The following ARID4B variants were observed in gnomAD, a reference collection of about 807,000 sequenced individuals.
ARID4B encodes the protein AT-rich interaction domain 4B.
In ARID4B, 26 loss-of-function variants were observed where a neutral mutation model predicts 147.5. The observed-to-expected ratio is 0.18, with a 90% confidence interval of 0.13 to 0.24. The LOEUF is 0.24. Among genes scored for constraint, ARID4B ranks in the 10% least tolerant of loss-of-function variants. The pLI is 1.00. For synonymous variants in ARID4B, 512 were observed against 507.9 expected, an observed-to-expected ratio of 1.01 and a Z score of -0.11; for missense variants, 1,179 against 1,511.5, an observed-to-expected ratio of 0.78 and a Z score of 3.65.
In ARID4B at chr1:235,311,356, C is replaced by CAATAATAAT. The variant is rs57278836; in HGVS notation, c.6+15549_6+15557dup. 6.8e-3 allele frequency among the ~76,000 whole-genome samples: 934 copies of CAATAATAAT among 136,714 alleles called. 6 individuals carry two copies. The highest frequency in any genetic ancestry group is 0.015 in the Middle Eastern group (4 of 268). The allele number at this position is 136,714 out of a possible 152,430, so 89.7% of individuals were successfully genotyped here. On this transcript the variant is annotated intron_variant, in intron 2 of 23. Coordinates refer to ENST00000264183, the MANE Select transcript of ARID4B (RefSeq NM_016374.6). ...GACAGAGCAAGACCCTGTCTCAAAACAATAATAATAATAATAATAATAATA... is the reference window on the plus strand; with the variant it reads ...GACAGAGCAAGACCCTGTCTCAAAACAATAATAATAATAATAATAATAATAATAATAATA...
chr1:235,311,834 C>G (rs1406669455), intron 2 of ARID4B, among the ~76,000 whole-genome samples: 1 of 152,114 alleles, frequency 6.6e-6, no homozygotes, highest in Non-Finnish European at 1.5e-5. Context: ...GAATACTAAG[C>G]ACTGCTACAT....
intron 7 of ARID4B, among the ~76,000 whole-genome samples, chr1:235,245,603 T>C (rs941564273): frequency 2.6e-5 from 4 of 152,138 alleles, no homozygotes; most frequent in East Asian, 1.9e-4. Context: ...CCAGTCCTAA[T>C]TGTCAGACAT....
intron 4 of ARID4B, among the ~76,000 whole-genome samples, chr1:235,256,624 A>G (rs549262135): frequency 6.6e-6 from 1 of 152,220 alleles, no homozygotes; most frequent in Non-Finnish European, 1.5e-5. Context: ...GATGACCCTT[A>G]AAAGATTTCA....
chr1:235,239,990 A>G (rs1668881910), intron 8 of ARID4B, among the ~76,000 whole-genome samples: 1 of 152,152 alleles, frequency 6.6e-6, no homozygotes, highest in Non-Finnish European at 1.5e-5. Flanking sequence ...GTCAACCAAG[A>G]AAGATTCTGT....
At chr1:235,185,774 T>C (rs1293646441) in intron 19 of ARID4B, among the ~76,000 whole-genome samples, 1 of 152,240 alleles carries the variant, frequency 6.6e-6, no homozygotes, top group African/African-American at 2.4e-5. Context: ...CCGAATGTAT[T>C]GCTTCTTTGC....
intron 22 of ARID4B, among the ~76,000 whole-genome samples, chr1:235,173,762 AAAAAAAAAAATATATATAT>A (rs1663577623): frequency 1.9e-5 from 1 of 53,344 alleles, no homozygotes; most frequent in African/African-American, 1.1e-4. Flanking sequence ...AAAAAAAAAA[AAAAAAAAAAATATATATAT>A]ATATATATAT....
intron 2 of ARID4B, among the ~76,000 whole-genome samples, chr1:235,284,354 C>T (rs1032458862): frequency 5.3e-5 from 8 of 152,124 alleles, no homozygotes; most frequent in East Asian, 1.9e-4. Context: ...AGCGAGACTC[C>T]GTCTCTGGGG....
At chr1:235,308,664 A>G (rs1673767194) in intron 2 of ARID4B, among the ~76,000 whole-genome samples, 1 of 151,896 alleles carries the variant, frequency 6.6e-6, no homozygotes, top group African/African-American at 2.4e-5. Context: ...TTTGGTGGAG[A>G]CGGGGCTTCG....
Position 235,177,780 on chromosome 1 carries a change from A to G in ARID4B, c.3448+20T>C. 6.6e-7 allele frequency: 1 copy of G among 1,511,106 alleles called. No homozygotes were observed. The highest frequency in any genetic ancestry group is 9.1e-7 in the Non-Finnish European group (1 of 1,098,706). 93.6% of individuals were successfully genotyped at this position (1,511,106 alleles called of 1,614,324 possible). A position where few individuals can be genotyped will look rare whatever the true frequency, so the allele number is the denominator to read the frequency against. ...CAGCTATTATTTTTATATTTTAAAAATTAGAGATTTCACACTTACTGCCTT... is the reference window on the plus strand; with the variant it reads ...CAGCTATTATTTTTATATTTTAAAAGTTAGAGATTTCACACTTACTGCCTT... On this transcript the variant is annotated intron_variant, in intron 21 of 23. Coordinates refer to ENST00000264183, the MANE Select transcript of ARID4B (RefSeq NM_016374.6).
Position 235,200,835 on chromosome 1 carries a change from T to C in ARID4B, c.1842-4720A>G, listed in dbSNP as rs540478892. ...GGAAATTTTAGCTCAAGTTCACATA[T>C]CTTGAATTTCATAAAAAATTAAAAT... On this transcript the variant is annotated intron_variant, in intron 17 of 23. Coordinates refer to ENST00000264183, the MANE Select transcript of ARID4B (RefSeq NM_016374.6). Among the ~76,000 whole-genome samples the C allele has an allele frequency of 3.3e-5, 5 of 152,284 alleles. No homozygotes were observed. The South Asian group carries it at 1.0e-3, about 32-fold the overall frequency.
intron 2 of ARID4B, among the ~76,000 whole-genome samples, chr1:235,315,285 G>A (rs1674354859): frequency 2.0e-5 from 3 of 152,138 alleles, no homozygotes; most frequent in Admixed American, 1.3e-4. Flanking sequence ...AATTTAGCGA[G>A]GCATGGTGGT....
Position 235,224,697 on chromosome 1 carries a change from A to G in ARID4B, c.970+6T>C. The G allele has an allele frequency of 4.0e-6, 6 of 1,517,574 alleles. No homozygotes were observed. Among genetic ancestry groups the G allele is most frequent in the Non-Finnish European group, 5.5e-6 (6 of 1,097,400 alleles). 94.0% of individuals were successfully genotyped at this position (1,517,574 alleles called of 1,614,324 possible). A position where few individuals can be genotyped will look rare whatever the true frequency, so the allele number is the denominator to read the frequency against. On this transcript the variant is annotated splice_donor_region_variant and intron_variant, in intron 12 of 23. Coordinates refer to ENST00000264183, the MANE Select transcript of ARID4B (RefSeq NM_016374.6). ...ACCACGTTAATGATAAATAAAAAAT[A>G]CTCACCTCTATCTTCCATAAATTTG...
intron 2 of ARID4B, among the ~76,000 whole-genome samples, chr1:235,273,194 C>CA (rs1275498181): frequency 1.3e-5 from 2 of 152,112 alleles, no homozygotes; most frequent in Non-Finnish European, 2.9e-5. Context: ...TGCACCACCC[C>CA]ACCCAGCTAA....
At chr1:235,277,659 A>C (rs1322206624) in intron 2 of ARID4B, among the ~76,000 whole-genome samples, 1 of 102,324 alleles carries the variant, frequency 9.8e-6, no homozygotes, top group East Asian at 2.3e-4. Context: ...GTTTTGTTTT[A>C]CATTTTTCTC....
chr1:235,312,141 C>T (rs527964854), intron 2 of ARID4B, among the ~76,000 whole-genome samples: 2 of 152,146 alleles, frequency 1.3e-5, no homozygotes, highest in African/African-American at 2.4e-5. Context: ...CAAAAATTAG[C>T]TGGGCGTGGT....
At chr1:235,255,813 G>T in intron 4 of ARID4B, 63 bp from the exon 5 acceptor site, 2 of 1,205,418 alleles carry the variant, frequency 1.7e-6, no homozygotes, top group Non-Finnish European at 1.2e-6. Context: ...CCAAAACCTG[G>T]GTTTGTTTTC....
chr1:235,169,365 C>A (rs990027191), intron 23 of ARID4B, among the ~76,000 whole-genome samples: 4 of 142,200 alleles, frequency 2.8e-5, no homozygotes, highest in South Asian at 2.2e-4. Flanking sequence ...CTCAGCCCCC[C>A]CAGTAGCTGG....
intron 20 of ARID4B, 61 bp from the exon 21 acceptor site, chr1:235,177,974 T>G (rs1457009025): frequency 1.1e-6 from 1 of 933,412 alleles, no homozygotes; most frequent in African/African-American, 1.7e-5. Context: ...AAGTATAAAT[T>G]AATTCCACAT....
chr1:235,175,391 T>C lies in ARID4B; in HGVS notation c.3457A>G (p.Ser1153Gly). 1.9e-6 allele frequency: 3 copies of C among 1,607,692 alleles called. No individual in the cohort carries two copies. Among genetic ancestry groups the C allele is most frequent in the Non-Finnish European group, 2.6e-6 (3 of 1,176,142 alleles). Residue 1153 changes from serine to glycine, a missense_variant, in exon 22 of 24, where the codon AGT (serine) becomes GGT (glycine). Ser to Gly is a moderately conservative substitution (Grantham distance 56). Transcript: ENST00000264183. ...CCAGCTGAAAGTTCTTCACTATCACTACTATTTGCTGAAAGAGAAAGAAAA... is the reference window on the plus strand; with the variant it reads ...CCAGCTGAAAGTTCTTCACTATCACCACTATTTGCTGAAAGAGAAAGAAAA... ...NKKKGKGTNS[S>G]DSEELSAGES...
Sources: gnomAD v4.1 joint callset for allele counts (sites outside exome capture counted in the v4.1 genomes callset) on GRCh38, gnomAD v4.1.1 for gene constraint, MANE v1.5 for transcripts, NCBI Gene and HGNC (gene_info 2026-07-23, HGNC 2026-07-21) for gene names.